Variants in DOCK5 observed in about 807,000 individuals in gnomAD.
The protein encoded by DOCK5 is dedicator of cytokinesis 5.
In DOCK5, 142 loss-of-function variants were observed where a neutral mutation model predicts 251.8. The observed-to-expected ratio is 0.56, with a 90% CI of 0.49 to 0.65. DOCK5 has a LOEUF of 0.65. DOCK5 is among the 30% of genes least tolerant of loss of function. The pLI is 0.00. For synonymous variants in DOCK5, 842 were observed against 835.5 expected (o/e 1.01, Z -0.13); for missense variants, 2,111 against 2,312.3 (o/e 0.91, Z 1.79).
intron 15 of DOCK5, among the ~76,000 whole-genome samples, chr8:25,320,005 G>T (rs1309408552): frequency 1.3e-5 from 2 of 152,170 alleles, no homozygotes; most frequent in Non-Finnish European, 2.9e-5. Flanking sequence ...CTCTCACCAA[G>T]TGTTCTGGGC....
At chr8:25,203,657 G>A (rs1421551981) in intron 1 of DOCK5, among the ~76,000 whole-genome samples, 1 of 152,180 alleles carries the variant, frequency 6.6e-6, no homozygotes, top group Non-Finnish European at 1.5e-5. Context: ...GTGGTGGCAT[G>A]GGGATAGATT....
At chr8:25,185,039 G>C in intron 1 of DOCK5, 88 bp downstream of exon 1, 1 of 1,245,534 alleles carries the variant, frequency 8.0e-7, no homozygotes, top group South Asian at 3.2e-5. Context: ...AGAGCCCGGC[G>C]GAGGACCCTG....
chr8:25,302,232 A>T, intron 9 of DOCK5, 93 bp from the exon 10 acceptor site: 1 of 1,457,490 alleles, frequency 6.9e-7, no homozygotes, highest in Non-Finnish European at 9.1e-7. Flanking sequence ...TAAGGTCGGA[A>T]CAGGATTTTG....
intron 42 of DOCK5, 70 bp downstream of exon 42, chr8:25,390,357 A>C: frequency 1.6e-3 from 2,093 of 1,329,154 alleles, no homozygotes; most frequent in Non-Finnish European, 2.0e-3. Flanking sequence ...CTATAATCTC[A>C]ACATTTTCCG....
intron 1 of DOCK5, among the ~76,000 whole-genome samples, chr8:25,206,096 G>C (rs1403173651): frequency 6.6e-6 from 1 of 152,182 alleles, no homozygotes; most frequent in Non-Finnish European, 1.5e-5. Context: ...CTTCAGGGAA[G>C]TAGTTGAACT....
intron 2 of DOCK5, among the ~76,000 whole-genome samples, chr8:25,244,244 C>T (rs1803036396): frequency 6.6e-6 from 1 of 152,186 alleles, no homozygotes; most frequent in South Asian, 2.1e-4. Context: ...GATTGTATAT[C>T]TCCTTCAACT....
At chr8:25,342,566 C>T (rs1364782655) in intron 25 of DOCK5, 59 bp downstream of exon 25, 3 of 1,310,048 alleles carry the variant, frequency 2.3e-6, no homozygotes, top group African/African-American at 1.5e-5. Flanking sequence ...TGCACCATTG[C>T]ACTCCAGCCT....
intron 1 of DOCK5, among the ~76,000 whole-genome samples, chr8:25,231,909 G>A (rs543386913): frequency 6.6e-6 from 1 of 151,980 alleles, no homozygotes; most frequent in African/African-American, 2.4e-5. Flanking sequence ...TATCTATTAA[G>A]ATGATCATAT....
chr8:25,264,239 G>A (rs1803670607), intron 2 of DOCK5, among the ~76,000 whole-genome samples: 1 of 151,602 alleles, frequency 6.6e-6, no homozygotes, highest in Admixed American at 6.6e-5. Context: ...GCATGCACCT[G>A]TATTCCCAGC....
At chr8:25,354,668 CACAG>C (rs939940794) in intron 27 of DOCK5, among the ~76,000 whole-genome samples, 1 of 152,152 alleles carries the variant, frequency 6.6e-6, no homozygotes, top group African/African-American at 2.4e-5. Flanking sequence ...TACAGACAGA[CACAG>C]ACAGTCGCGA....
chr8:25,357,224 C>T (rs1486569899), intron 27 of DOCK5, among the ~76,000 whole-genome samples: 2 of 151,498 alleles, frequency 1.3e-5, no homozygotes, highest in Non-Finnish European at 2.9e-5. Flanking sequence ...GAGTATTAAA[C>T]CTCTAATACT....
At chr8:25,356,402 A>G (rs1288402187) in intron 27 of DOCK5, among the ~76,000 whole-genome samples, 1 of 152,186 alleles carries the variant, frequency 6.6e-6, no homozygotes, top group African/African-American at 2.4e-5. Context: ...GCGGTGGCTC[A>G]TGCCTGTGAT....
chr8:25,285,425 G>A (rs947621038), intron 5 of DOCK5, among the ~76,000 whole-genome samples: 3 of 152,174 alleles, frequency 2.0e-5, no homozygotes, highest in Admixed American at 6.5e-5. Flanking sequence ...GGATACAGGT[G>A]TGAGCCACTA....
At position 25,184,894 on chromosome 8, in the gene DOCK5, G is replaced by A; in HGVS notation, c.-15G>A. The A allele has an allele frequency of 1.4e-6, 2 of 1,399,726 alleles. No homozygotes were observed. The highest frequency in any genetic ancestry group is 3.4e-5 in the South Asian group (2 of 59,558). 86.7% of individuals were successfully genotyped at this position (1,399,726 alleles called of 1,614,324 possible). ...GCAGCCTTAGTCGCCGCCGCCGCGG[G>A]GCGAGGTCGCCGCCATGGCCCGCTG... On this transcript the variant is annotated 5_prime_UTR_variant, in exon 1 of 52. Coordinates refer to ENST00000276440, the MANE Select transcript of DOCK5 (RefSeq NM_024940.8).
chr8:25,236,831 T>C (rs1802811714), intron 1 of DOCK5, among the ~76,000 whole-genome samples: 1 of 151,656 alleles, frequency 6.6e-6, no homozygotes, highest in Non-Finnish European at 1.5e-5. Context: ...ACTCCTGACC[T>C]CAACTTATCC....
At chr8:25,410,730 G>A (rs1351946070) in intron 51 of DOCK5, among the ~76,000 whole-genome samples, 1 of 145,684 alleles carries the variant, frequency 6.9e-6, no homozygotes, top group South Asian at 2.2e-4. Context: ...GCCTTCCAAA[G>A]TGCTGAGATT....
chr8:25,334,015 A>G, intron 20 of DOCK5, 81 bp from the exon 21 acceptor site: 1 of 995,094 alleles, frequency 1.0e-6, no homozygotes, highest in African/African-American at 1.6e-5. Flanking sequence ...GAAAGAAGGC[A>G]CCGAGATGTT....
intron 8 of DOCK5, among the ~76,000 whole-genome samples, chr8:25,300,016 C>T (rs898410939): frequency 6.6e-6 from 1 of 152,156 alleles, no homozygotes; most frequent in South Asian, 2.1e-4. Flanking sequence ...AGCGATTCTC[C>T]TGCCTCAGCC....
At chr8:25,271,023 A>G (rs930868710) in intron 3 of DOCK5, 41 of 443,162 alleles carry the variant, frequency 9.3e-5, no homozygotes, top group Non-Finnish European at 1.4e-4. Flanking sequence ...TTTTTTCTAT[A>G]TTTTTAATCA....
Sources: gnomAD v4.1 joint callset for allele counts (sites outside exome capture counted in the v4.1 genomes callset) on GRCh38, gnomAD v4.1.1 for gene constraint, MANE v1.5 for transcripts, NCBI Gene and HGNC (gene_info 2026-07-23, HGNC 2026-07-21) for gene names.